ADGRV1: variants seen among roughly 807,000 people sequenced by gnomAD.
The protein encoded by ADGRV1 is G-protein coupled receptor 98.
ADGRV1 carries 359 observed loss-of-function variants against 596.2 expected under a neutral mutation model. The ratio of observed to expected loss-of-function variants is 0.60; its 90% CI spans 0.55 to 0.66. ADGRV1 has a LOEUF of 0.66. Ranked by LOEUF, ADGRV1 falls within the 30% of genes least tolerant of loss-of-function variation. ADGRV1 has a pLI of 0.00. For synonymous variants in ADGRV1, 2,681 were observed against 2,679.2 expected (o/e 1.00, Z -0.02); for missense variants, 7,274 against 7,575.6 (o/e 0.96, Z 1.48).
intron 84 of ADGRV1, among the ~76,000 whole-genome samples, chr5:90,979,167 C>CTT (rs777481548): frequency 7.0e-6 from 1 of 143,132 alleles, no homozygotes; most frequent in Non-Finnish European, 1.5e-5. Context: ...GTGTCAATTT[C>CTT]TTTTTTTTTT....
chr5:90,830,155 A>C (rs530249276), intron 77 of ADGRV1, among the ~76,000 whole-genome samples: 1 of 152,268 alleles, frequency 6.6e-6, no homozygotes, highest in African/African-American at 2.4e-5. Flanking sequence ...ATGAGAGAAT[A>C]GGCCTCAAGC....
chr5:90,861,464 C>T (rs1767556457), intron 82 of ADGRV1, among the ~76,000 whole-genome samples: 1 of 152,014 alleles, frequency 6.6e-6, no homozygotes, highest in South Asian at 2.1e-4. Flanking sequence ...TGCGTGCCAC[C>T]ATGCCCGGCT....
chr5:90,625,460 AAT>A (rs1387012842), intron 6 of ADGRV1: 5 of 373,078 alleles, frequency 1.3e-5, no homozygotes, highest in African/African-American at 8.3e-5. Context: ...ACATCATACA[AAT>A]ATTTAAGCAT....
At chr5:90,915,438 G>A (rs974418122) in intron 83 of ADGRV1, among the ~76,000 whole-genome samples, 6 of 152,164 alleles carry the variant, frequency 3.9e-5, no homozygotes, top group Non-Finnish European at 4.4e-5. Flanking sequence ...TAATCTCTGT[G>A]TCCTTTGGTC....
In ADGRV1 at chr5:90,716,468, C is replaced by T; in HGVS notation, c.9186C>T (p.Ala3062=). The T allele has an allele frequency of 3.9e-6, 6 of 1,539,406 alleles. No homozygotes were observed. The South Asian group carries it at 4.0e-5, about 10-fold the overall frequency. ...GCTTTAATATTTTTATTTTGGCAGC[C>T]TTAATTATTGTCCTTGCTAATGATG... The part of the protein sequence containing the change: ...PGLELGKNTI[A]LIIVLANDDG... The change falls in exon 43 of 90, where the codon GCC becomes GCT. Residue 3062 remains alanine (A), a splice_region_variant and synonymous_variant. Transcript: ENST00000405460.
At chr5:90,691,757 T>G (rs968277073) in intron 31 of ADGRV1, among the ~76,000 whole-genome samples, 3 of 152,164 alleles carry the variant, frequency 2.0e-5, no homozygotes, top group East Asian at 1.9e-4. Context: ...ATCTTAAGTA[T>G]TATTGTGGTT....
Position 90,647,522 on chromosome 5 carries a change from A to C in ADGRV1, c.3047A>C (p.Glu1016Ala). Residue 1016 changes from glutamate (E) to alanine (A), a missense_variant, in exon 17 of 90, where the codon GAA (glutamate) becomes GCA (alanine). Around this residue, in one of 5 missense-constraint regions of ADGRV1, gnomAD observed 1,715 missense variants for 1,708.8 expected, o/e 1.00. Coordinates refer to ENST00000405460, the MANE Select transcript of ADGRV1 (RefSeq NM_032119.4). ...FAEPRVVRVQ[E>A]GETANFTVLR... ...GAACCTCGTGTAGTGAGGGTTCAGG[A>C]AGGTGAGACTGCCAACTTTACAGTT... 1.2e-6 allele frequency: 2 copies of C among 1,613,304 alleles called. No individual in the cohort carries two copies. Among genetic ancestry groups the C allele is most frequent in the Non-Finnish European group, 1.7e-6 (2 of 1,179,406 alleles).
intron 85 of ADGRV1, among the ~76,000 whole-genome samples, chr5:91,055,401 G>T (rs1474463234): frequency 3.7e-5 from 1 of 27,104 alleles, no homozygotes; most frequent in Admixed American, 2.8e-4. Flanking sequence ...TAAAGTTAAT[G>T]ATAATAATGG....
rs368630118 is a variant in ADGRV1, at chr5:90,745,146, T to C, written c.10650T>C (p.Asp3550=). ...SFVLEVPSAY[D]VASVTVKSLN... The stretch of plus-strand genomic sequence containing the variant: ...TTCTGGAAGTACCTTCTGCTTATGA[T>C]GTGGCTTCTGTTACAGTAAAGTCCC... The change falls in exon 51 of 90, where the codon GAT becomes GAC. Residue 3550 remains aspartate, a synonymous_variant. Coordinates refer to ENST00000405460, the MANE Select transcript of ADGRV1 (RefSeq NM_032119.4). The C allele has an allele frequency of 7.4e-6, 12 of 1,613,548 alleles. No homozygotes were observed. In the African/African-American group the frequency reaches 1.6e-4, roughly 22 times the overall value.
At chr5:90,805,091 A>G (rs1182200244) in intron 71 of ADGRV1, 193 bp from the exon 72 acceptor site, 5 of 401,314 alleles carry the variant, frequency 1.2e-5, no homozygotes, top group Non-Finnish European at 2.2e-5. Context: ...AAAGCTATCA[A>G]CTATAACCTA....
At position 90,687,558 on chromosome 5, in the gene ADGRV1, G is replaced by A. The variant is rs567874704; in HGVS notation, c.6490+1563G>A. ...TGGAAGTTCTGGCCAGGGCAATTAG[G>A]CAGGAGAATGACATAAAGGGTATTC... On this transcript the variant is annotated intron_variant, in intron 29 of 89. Transcript: ENST00000405460. Among the ~76,000 whole-genome samples the A allele has an allele frequency of 1.2e-3, 185 of 152,248 alleles. 1 individual carries two copies. Among genetic ancestry groups the A allele is most frequent in the African/African-American group, 4.3e-3 (177 of 41,530 alleles).
At chr5:90,921,819 A>G (rs1363702486) in intron 83 of ADGRV1, among the ~76,000 whole-genome samples, 1 of 129,482 alleles carries the variant, frequency 7.7e-6, no homozygotes, top group African/African-American at 2.8e-5. Context: ...TTTTTTTTCT[A>G]CAAGAGTCTG....
chr5:90,635,238 T>A lies in ADGRV1; in HGVS notation c.1964T>A (p.Leu655His). Residue 655 changes from leucine (L) to histidine (H), a missense_variant, in exon 10 of 90, where the codon CTC (leucine) becomes CAC (histidine). Leu to His is a moderately conservative substitution (Grantham distance 99). This residue lies in a region of ADGRV1 where 1,715 missense variants were observed against 1,708.8 expected (regional missense o/e 1.00). Coordinates refer to ENST00000405460, the MANE Select transcript of ADGRV1 (RefSeq NM_032119.4). ...ATTGCAAATGGAGAAATTGGCTTTC[T>A]CAGCAATCTTCCAATTATTTTGCAT... ...PAIANGEIGFLSNLPIILHEP... is the reference protein window; with the variant it reads ...PAIANGEIGFHSNLPIILHEP... The A allele has an allele frequency of 6.2e-7, 1 of 1,612,924 alleles. No individual in the cohort carries two copies. The highest frequency in any genetic ancestry group is 1.1e-5 in the South Asian group (1 of 90,616).
intron 75 of ADGRV1, among the ~76,000 whole-genome samples, chr5:90,820,618 C>T (rs1256868688): frequency 6.6e-6 from 1 of 150,856 alleles, no homozygotes; most frequent in African/African-American, 2.4e-5. Flanking sequence ...CTGGTGGTGA[C>T]AAAATCTCTC....
rs923048234 is a variant in ADGRV1 at position 90,854,218 on chromosome 5, T to TAA, written c.17594+23_17594+24dup. The TAA allele has an allele frequency of 1.3e-6, 2 of 1,513,988 alleles. No individual in the cohort carries two copies. The highest frequency in any genetic ancestry group is 1.8e-6 in the Non-Finnish European group (2 of 1,131,648). The allele number at this position is 1,513,988 out of a possible 1,614,324, so 93.8% of individuals were successfully genotyped here. ...TGCTGCAAGGTACTTATTAATAAAA[T>TAA]AAAAAAATCAGAATTTGGTCCTTCC... On this transcript the variant is annotated intron_variant, in intron 81 of 89. Transcript: ENST00000405460.
chr5:90,840,840 C>T lies in ADGRV1; in HGVS notation c.16874C>T (p.Ser5625Leu), dbSNP rs373862154. ...ANITLVSDAD[S>L]QAIWGLADQL... Reference sequence around the variant, plus strand: ...ATCACTCTTGTCTCAGATGCAGATTCGCAGGCCATTTGGGGGCTTGCAGAT... The same window carrying T: ...ATCACTCTTGTCTCAGATGCAGATTTGCAGGCCATTTGGGGGCTTGCAGAT... Residue 5625 changes from serine (S) to leucine (L), a missense_variant, in exon 78 of 90, where the codon TCG becomes TTG. Ser to Leu is a moderately radical substitution (Grantham distance 145). Coordinates refer to ENST00000405460, the MANE Select transcript of ADGRV1 (RefSeq NM_032119.4). 1.2e-4 allele frequency: 194 copies of T among 1,613,382 alleles called. 1 individual carries two copies. The South Asian group carries it at 1.7e-3, about 15-fold the overall frequency.
chr5:90,712,063 C>T (rs1021602298), intron 41 of ADGRV1, among the ~76,000 whole-genome samples: 2 of 152,194 alleles, frequency 1.3e-5, no homozygotes, highest in Non-Finnish European at 2.9e-5. Context: ...GCTGGGATTA[C>T]AGGCGTGAGC....
chr5:90,825,410 A>G (rs1260686657), intron 76 of ADGRV1, among the ~76,000 whole-genome samples: 1 of 152,230 alleles, frequency 6.6e-6, no homozygotes, highest in Non-Finnish European at 1.5e-5. Context: ...CATAGTTTAT[A>G]TAGACTATAA....
At chr5:90,822,555 G>C (rs773927605) in intron 75 of ADGRV1, among the ~76,000 whole-genome samples, 1 of 152,148 alleles carries the variant, frequency 6.6e-6, no homozygotes, top group Non-Finnish European at 1.5e-5. Context: ...TTTGAGGTCA[G>C]GTAGCGTGAT....
Sources: gnomAD v4.1 joint callset for allele counts (sites outside exome capture counted in the v4.1 genomes callset) on GRCh38, gnomAD v4.1.1 for gene constraint, gnomAD v4.1.1 regional missense constraint, MANE v1.5 for transcripts, NCBI Gene and HGNC (gene_info 2026-07-23, HGNC 2026-07-21) for gene names.